Variants in CHST11 observed in about 807,000 individuals in gnomAD.
CHST11 encodes the protein carbohydrate sulfotransferase 11, also known as C4S-1.
CHST11 carries 9 observed loss-of-function variants against 30.4 expected under a neutral mutation model. The observed-to-expected ratio is 0.30, with a 90% confidence interval of 0.18 to 0.52. CHST11 has a LOEUF of 0.52. Ranked by LOEUF, CHST11 falls within the 20% of genes least tolerant of loss-of-function variation. CHST11 has a pLI of 0.97. For missense variants in CHST11, 348 were observed against 460.6 expected (o/e 0.76, Z 2.24); for synonymous variants, 152 against 187.8 (o/e 0.81, Z 1.56).
chr12:104,508,821 G>A (rs1162123123), intron 1 of CHST11, among the ~76,000 whole-genome samples: 1 of 152,116 alleles, frequency 6.6e-6, no homozygotes, highest in Admixed American at 6.5e-5. Context: ...CTCTTTGCAA[G>A]TAAGATTTTT....
chr12:104,512,086 A>T (rs138537543), intron 1 of CHST11, among the ~76,000 whole-genome samples: 1 of 152,160 alleles, frequency 6.6e-6, no homozygotes, highest in Non-Finnish European at 1.5e-5. Context: ...TTTCCCCTAC[A>T]TATTTTCAGT....
intron 1 of CHST11, among the ~76,000 whole-genome samples, chr12:104,554,709 A>G (rs905977001): frequency 2.6e-5 from 4 of 152,286 alleles, no homozygotes; most frequent in East Asian, 3.9e-4. Flanking sequence ...AGATTTCTGT[A>G]TATGATTTTC....
chr12:104,720,669 A>C (rs2040168197), intron 2 of CHST11, among the ~76,000 whole-genome samples: 1 of 152,352 alleles, frequency 6.6e-6, no homozygotes, highest in Middle Eastern at 3.4e-3. Context: ...CCTTTGAGGC[A>C]GAGGAACACC....
At chr12:104,597,115 G>A (rs1407587801) in intron 1 of CHST11, among the ~76,000 whole-genome samples, 9 of 152,168 alleles carry the variant, frequency 5.9e-5, no homozygotes, top group South Asian at 2.1e-4. Context: ...CCAGCTCTCC[G>A]TGGGCTGCTC....
chr12:104,697,856 T>G (rs1241541260), intron 2 of CHST11, among the ~76,000 whole-genome samples: 1 of 152,212 alleles, frequency 6.6e-6, no homozygotes, highest in Non-Finnish European at 1.5e-5. Context: ...CCTGGGACCA[T>G]GCACAGTGGC....
At chr12:104,632,939 T>C (rs2039285241) in intron 2 of CHST11, among the ~76,000 whole-genome samples, 1 of 152,226 alleles carries the variant, frequency 6.6e-6, no homozygotes, top group Admixed American at 6.5e-5. Flanking sequence ...GGGAAGGTGT[T>C]GGTGAAACGC....
chr12:104,733,410 G>T (rs1447646615), intron 2 of CHST11, among the ~76,000 whole-genome samples: 1 of 152,164 alleles, frequency 6.6e-6, no homozygotes, highest in African/African-American at 2.4e-5. Flanking sequence ...GCCTGATTCT[G>T]GGGGCACCTT....
At chr12:104,720,928 TGAG>T in intron 2 of CHST11, among the ~76,000 whole-genome samples, 1 of 152,270 alleles carries the variant, frequency 6.6e-6, no homozygotes, top group African/African-American at 2.4e-5. Context: ...GGAGCAAGGT[TGAG>T]AGGTCGTGGA....
At position 104,760,263 on chromosome 12, in the gene CHST11, A is replaced by T. The variant is rs1566069612; in HGVS notation, c.*2460A>T. On this transcript the variant is annotated 3_prime_UTR_variant, in exon 3 of 3. Coordinates refer to ENST00000303694, the MANE Select transcript of CHST11 (RefSeq NM_018413.6). ...CACCCCAACACCCTTCCATTAAAAAAAAAATACAAAATAGCACCACAGTCT... is the reference window on the plus strand; with the variant it reads ...CACCCCAACACCCTTCCATTAAAAATAAAATACAAAATAGCACCACAGTCT... The T allele has an allele frequency of 6.6e-6, 1 of 151,746 alleles. No homozygotes were observed. The highest frequency in any genetic ancestry group is 6.6e-5 in the Admixed American group (1 of 15,210). The allele number at this position is 151,746 out of a possible 1,614,324, so 9.4% of individuals were successfully genotyped here. A position where few individuals can be genotyped will look rare whatever the true frequency, so the allele number is the denominator to read the frequency against.
intron 1 of CHST11, among the ~76,000 whole-genome samples, chr12:104,543,993 A>G (rs1592754470): frequency 6.6e-6 from 1 of 151,802 alleles, no homozygotes; most frequent in Non-Finnish European, 1.5e-5. Flanking sequence ...GCCTGGTGGC[A>G]TACACCTGTA....
chr12:104,620,870 A>G (rs2039152866), intron 2 of CHST11, among the ~76,000 whole-genome samples: 1 of 152,214 alleles, frequency 6.6e-6, no homozygotes, highest in African/African-American at 2.4e-5. Flanking sequence ...GTCAATTGCA[A>G]TTGATAATTG....
At chr12:104,715,263 A>C (rs1380271435) in intron 2 of CHST11, among the ~76,000 whole-genome samples, 1 of 152,116 alleles carries the variant, frequency 6.6e-6, no homozygotes, top group African/African-American at 2.4e-5. Context: ...AATCCCAGCT[A>C]CTTGGGAGGC....
chr12:104,629,835 T>A (rs117560363), intron 2 of CHST11, among the ~76,000 whole-genome samples: 2,344 of 152,194 alleles, frequency 0.015, 72 homozygotes, highest in East Asian at 0.12. Flanking sequence ...AAATTTTTTT[T>A]AAAAATGCAT....
chr12:104,485,727 T>C (rs2037670795), intron 1 of CHST11, among the ~76,000 whole-genome samples: 1 of 152,196 alleles, frequency 6.6e-6, no homozygotes, highest in Non-Finnish European at 1.5e-5. Flanking sequence ...CCAAAGCAAC[T>C]TTAACATTCA....
At position 104,629,192 on chromosome 12, in the gene CHST11, C is replaced by G. The variant is rs528793820; in HGVS notation, c.204+27201C>G. 3.9e-5 allele frequency among the ~76,000 whole-genome samples: 6 copies of G among 152,370 alleles called. No individual in the cohort carries two copies. The South Asian group carries it at 1.0e-3, about 26-fold the overall frequency. On this transcript the variant is annotated intron_variant, in intron 2 of 2. Transcript: ENST00000303694. ...TGTATTTGTTTCTCTTGCTGGGTAA[C>G]AAATCACACAAACTTAGCAGTTTAC... is the stretch of plus-strand genomic sequence containing the variant.
intron 2 of CHST11, among the ~76,000 whole-genome samples, chr12:104,715,162 C>T (rs755569001): frequency 3.3e-5 from 5 of 151,960 alleles, no homozygotes; most frequent in Non-Finnish European, 5.9e-5. Flanking sequence ...GTCAGGAGTT[C>T]GAGACCAGCC....
At chr12:104,643,823 A>C (rs1177401768) in intron 2 of CHST11, among the ~76,000 whole-genome samples, 1 of 152,166 alleles carries the variant, frequency 6.6e-6, no homozygotes, top group African/African-American at 2.4e-5. Context: ...TGGAAAGCCA[A>C]GACTTCACTG....
chr12:104,598,265 G>A (rs1011526960), intron 1 of CHST11, among the ~76,000 whole-genome samples: 7 of 152,238 alleles, frequency 4.6e-5, no homozygotes, highest in Non-Finnish European at 8.8e-5. Context: ...GTCATTTGTG[G>A]CCCCTGGAAA....
chr12:104,476,392 T>A (rs564579109), intron 1 of CHST11, among the ~76,000 whole-genome samples: 6 of 151,770 alleles, frequency 4.0e-5, no homozygotes, highest in African/African-American at 1.4e-4. Context: ...AAAGATGAAA[T>A]CGTCAGGCTT....
Sources: gnomAD v4.1 joint callset for allele counts (sites outside exome capture counted in the v4.1 genomes callset) on GRCh38, gnomAD v4.1.1 for gene constraint, MANE v1.5 for transcripts, NCBI Gene and HGNC (gene_info 2026-07-23, HGNC 2026-07-21) for gene names.